The following KIAA0319 variants were observed in gnomAD, a reference collection of about 807,000 sequenced individuals.
KIAA0319 encodes the protein dyslexia-associated protein KIAA0319.
Under a neutral mutation model 108.4 loss-of-function variants are expected in KIAA0319, and 83 were observed. That is an observed-to-expected ratio of 0.77 (90% CI 0.64 to 0.92). The LOEUF is 0.92. Ranked by LOEUF, KIAA0319 falls within the 40% of genes least tolerant of loss-of-function variation. KIAA0319 has a pLI of 0.00. For missense variants in KIAA0319, 1,195 were observed against 1,322.4 expected (o/e 0.90, Z 1.49); for synonymous variants, 484 against 510.4 (o/e 0.95, Z 0.70).
At chr6:24,640,078 T>C (rs1776726461) in intron 1 of KIAA0319, among the ~76,000 whole-genome samples, 1 of 152,200 alleles carries the variant, frequency 6.6e-6, no homozygotes, top group Non-Finnish European at 1.5e-5. Context: ...GGCTGCAATT[T>C]TTTTTTATTG....
rs372411920 is a variant in KIAA0319, at chr6:24,581,062, G to A, written c.1192-49C>T. 1.5e-5 allele frequency: 17 copies of A among 1,172,202 alleles called. No homozygotes were observed. In the East Asian group the frequency reaches 1.6e-4, roughly 11 times the overall value. 72.6% of individuals were successfully genotyped at this position (1,172,202 alleles called of 1,614,324 possible). A position where few individuals can be genotyped will look rare whatever the true frequency, so the allele number is the denominator to read the frequency against. ...CAGTTCAACATGCAAGACGTGATGGGTCCACTACGTAGAAAAAGCTAAAAT... is the reference window on the plus strand; with the variant it reads ...CAGTTCAACATGCAAGACGTGATGGATCCACTACGTAGAAAAAGCTAAAAT... On this transcript the variant is annotated intron_variant, in intron 6 of 20. Transcript: ENST00000378214.
chr6:24,583,726 C>T (rs1342045839), intron 4 of KIAA0319, 24 bp from the exon 5 acceptor site: 2 of 1,381,692 alleles, frequency 1.4e-6, no homozygotes, highest in Admixed American at 1.7e-5. Context: ...AGAAATAATA[C>T]GTGCAATTAT....
chr6:24,568,704 T>C lies in KIAA0319; in HGVS notation c.2140+77A>G, dbSNP rs939788788. On this transcript the variant is annotated intron_variant, in intron 13 of 20. Transcript: ENST00000378214. ...ATAAGCAAACACCAACATCTCTGAATAGTCATGGCCTGGCTGAGGGTCCTG... is the reference window on the plus strand; with the variant it reads ...ATAAGCAAACACCAACATCTCTGAACAGTCATGGCCTGGCTGAGGGTCCTG... 4 of 1,399,684 alleles carry C rather than the reference T, an allele frequency of 2.9e-6. No individual in the cohort carries two copies. The African/African-American group carries it at 5.7e-5, about 20-fold the overall frequency. The allele number at this position is 1,399,684 out of a possible 1,614,324, so 86.7% of individuals were successfully genotyped here.
At chr6:24,578,752 T>C (rs950351398) in intron 8 of KIAA0319, among the ~76,000 whole-genome samples, 3 of 152,184 alleles carry the variant, frequency 2.0e-5, no homozygotes, top group Non-Finnish European at 4.4e-5. Flanking sequence ...ACAAACATAA[T>C]GTGCCATGCA....
intron 17 of KIAA0319, among the ~76,000 whole-genome samples, chr6:24,558,002 T>A (rs1418182829): frequency 6.6e-6 from 1 of 152,140 alleles, no homozygotes; most frequent in Non-Finnish European, 1.5e-5. Flanking sequence ...TTAATAAAAA[T>A]TTTCTTTGGA....
At chr6:24,559,179 G>A (rs1173492376) in intron 16 of KIAA0319, 24 bp from the exon 17 acceptor site, 1 of 1,609,202 alleles carries the variant, frequency 6.2e-7, no homozygotes, top group Admixed American at 1.7e-5. Context: ...AATGAGAGAG[G>A]ACAGCCACAT....
At chr6:24,607,683 T>C (rs1356845175) in intron 1 of KIAA0319, among the ~76,000 whole-genome samples, 1 of 152,252 alleles carries the variant, frequency 6.6e-6, no homozygotes, top group African/African-American at 2.4e-5. Flanking sequence ...AACTAAATTG[T>C]AAACTTCCTG....
chr6:24,629,129 C>G (rs1465358352), intron 1 of KIAA0319, among the ~76,000 whole-genome samples: 1 of 152,112 alleles, frequency 6.6e-6, no homozygotes, highest in Non-Finnish European at 1.5e-5. Context: ...GTGAAAAACG[C>G]CATCTACCTT....
chr6:24,640,559 T>C (rs1298333614), intron 1 of KIAA0319, among the ~76,000 whole-genome samples: 2 of 152,210 alleles, frequency 1.3e-5, no homozygotes, highest in African/African-American at 4.8e-5. Flanking sequence ...TTAAGAGATC[T>C]GCGCTTTATT....
At position 24,631,215 on chromosome 6, in the gene KIAA0319, G is replaced by A. The variant is rs113667773; in HGVS notation, c.-106+14521C>T. Among the ~76,000 whole-genome samples, 125 of 152,284 alleles carry A rather than the reference G, an allele frequency of 8.2e-4. 1 individual carries two copies. Among genetic ancestry groups the A allele is most frequent in the African/African-American group, 2.7e-3 (113 of 41,548 alleles). ...CTTTTATGATTCCTCTTTCCTTGCC[G>A]TATCAGCCACTACTTTGACAAAACC... On this transcript the variant is annotated intron_variant, in intron 1 of 20. Coordinates refer to ENST00000378214, the MANE Select transcript of KIAA0319 (RefSeq NM_014809.4).
At chr6:24,559,869 C>T (rs1455155181) in intron 16 of KIAA0319, among the ~76,000 whole-genome samples, 2 of 152,178 alleles carry the variant, frequency 1.3e-5, no homozygotes, top group East Asian at 3.9e-4. Context: ...AGCACCTCCT[C>T]CCCACAGTCC....
Position 24,569,903 on chromosome 6 carries a change from C to G in KIAA0319, c.1991G>C (p.Arg664Thr). The change falls in exon 12 of 21, where the codon AGA becomes ACA. Residue 664 changes from arginine to threonine, a missense_variant and splice_region_variant. Physicochemically the swap from Arg to Thr is moderately conservative, Grantham distance 71. Coordinates refer to ENST00000378214, the MANE Select transcript of KIAA0319 (RefSeq NM_014809.4). ...CTAGCTCAGTGGCGAGACAGACTAC[C>G]TGACGTGCTCCCAGTGGTAGAAGAC... ...GIVFYHWEHV[R>T]GPSAVEMENI... The G allele has an allele frequency of 6.2e-7, 1 of 1,614,002 alleles. No individual in the cohort carries two copies. The highest frequency in any genetic ancestry group is 1.3e-5 in the African/African-American group (1 of 75,048).
intron 17 of KIAA0319, among the ~76,000 whole-genome samples, chr6:24,558,263 C>A (rs971943803): frequency 1.4e-5 from 2 of 140,828 alleles, no homozygotes; most frequent in African/African-American, 5.8e-5. Flanking sequence ...GCCATCTCTA[C>A]TAAAAATACC....
chr6:24,608,323 T>C (rs755977959), intron 1 of KIAA0319, among the ~76,000 whole-genome samples: 3 of 152,048 alleles, frequency 2.0e-5, no homozygotes, highest in Non-Finnish European at 4.4e-5. Flanking sequence ...CTTGGACAAA[T>C]AGTCTCAATA....
At chr6:24,558,801 G>T (rs807540) in intron 17 of KIAA0319, among the ~76,000 whole-genome samples, 1 of 152,134 alleles carries the variant, frequency 6.6e-6, no homozygotes, top group Non-Finnish European at 1.5e-5. Context: ...TTAACTTTAG[G>T]CCCATAATTA....
Position 24,547,316 on chromosome 6 carries a change from T to G in KIAA0319, c.3068A>C (p.Asn1023Thr). The change falls in exon 21 of 21, where the codon AAC becomes ACC. Residue 1023 changes from asparagine (N) to threonine (T), a missense_variant. Transcript: ENST00000378214. ...AGACTCGGATACCATCAGGCTGGAG[T>G]TGTGCTCTGTGCTTCGGTGCTTGAT... The part of the protein sequence containing the change: ...YGIKHRSTEH[N>T]SSLMVSESEF... 1 of 1,614,040 alleles carries G rather than the reference T, an allele frequency of 6.2e-7. No individual in the cohort carries two copies. The highest frequency in any genetic ancestry group is 1.1e-5 in the South Asian group (1 of 91,068).
chr6:24,602,020 CTTT>C (rs1216820751), intron 1 of KIAA0319, among the ~76,000 whole-genome samples: 7 of 142,274 alleles, frequency 4.9e-5, no homozygotes, highest in Non-Finnish European at 6.2e-5. Context: ...TACTGTATTT[CTTT>C]TTTTTTTTTT....
intron 12 of KIAA0319, among the ~76,000 whole-genome samples, chr6:24,569,418 C>T (rs1043296748): frequency 3.3e-5 from 5 of 152,220 alleles, no homozygotes; most frequent in Non-Finnish European, 7.3e-5. Context: ...CAACCTTAGT[C>T]TGTGTGGTCT....
At chr6:24,563,594 T>C (rs1300275452) in intron 15 of KIAA0319, 76 bp from the exon 16 acceptor site, 11 of 1,394,998 alleles carry the variant, frequency 7.9e-6, no homozygotes, top group African/African-American at 1.4e-5. Flanking sequence ...GAGGTTTCTA[T>C]AGGAGCTCAA....
Sources: allele counts gnomAD v4.1 joint callset (sites outside exome capture counted in the v4.1 genomes callset), GRCh38; gene constraint gnomAD v4.1.1; transcripts MANE v1.5; gene names NCBI Gene and HGNC (gene_info 2026-07-23, HGNC 2026-07-21).